Variants in RYR3 observed in about 807,000 individuals in gnomAD.
The protein encoded by RYR3 is brain ryanodine receptor-calcium release channel.
RYR3 carries 207 observed loss-of-function variants against 584.3 expected under a neutral mutation model. That is an observed-to-expected ratio of 0.35 (90% CI 0.32 to 0.40). RYR3 has a LOEUF of 0.40. Among genes scored for constraint, RYR3 ranks in the 10% least tolerant of loss-of-function variants. The pLI is 1.00. For missense variants in RYR3, 5,616 were observed against 6,089.2 expected, an observed-to-expected ratio of 0.92 and a Z score of 2.59; for synonymous variants, 2,416 against 2,248.5, an observed-to-expected ratio of 1.07 and a Z score of -2.11.
intron 9 of RYR3, among the ~76,000 whole-genome samples, chr15:33,548,704 G>A (rs1012590420): frequency 6.6e-6 from 1 of 152,234 alleles, no homozygotes; most frequent in Non-Finnish European, 1.5e-5. Flanking sequence ...TTGTCCCTTG[G>A]TGGAAGGAAC....
chr15:33,601,586 A>G (rs2059662975), intron 17 of RYR3, 34 bp downstream of exon 17: 2 of 1,611,450 alleles, frequency 1.2e-6, no homozygotes, highest in Non-Finnish European at 1.7e-6. Flanking sequence ...AATGCCAAGC[A>G]TAGTTCTGCC....
chr15:33,767,439 CTT>C (rs1428141522), intron 60 of RYR3, among the ~76,000 whole-genome samples: 2 of 152,214 alleles, frequency 1.3e-5, no homozygotes, highest in African/African-American at 2.4e-5. Context: ...GGTCCCAACT[CTT>C]TTCCACTGCA....
chr15:33,644,887 G>A (rs1053427300), intron 28 of RYR3, among the ~76,000 whole-genome samples: 9 of 151,600 alleles, frequency 5.9e-5, no homozygotes, highest in Admixed American at 6.6e-5. Flanking sequence ...TGGCTCACAC[G>A]TGTAATCCCA....
At chr15:33,489,259 G>A (rs1054950073) in intron 2 of RYR3, among the ~76,000 whole-genome samples, 2 of 152,076 alleles carry the variant, frequency 1.3e-5, no homozygotes, top group African/African-American at 4.8e-5. Flanking sequence ...TTGTTACATA[G>A]GTAAACTTGT....
chr15:33,627,583 T>G (rs988621147), intron 20 of RYR3, among the ~76,000 whole-genome samples: 24 of 152,308 alleles, frequency 1.6e-4, no homozygotes, highest in African/African-American at 5.3e-4. Context: ...CAGTGTGGTC[T>G]TTTGGGAGAA....
At chr15:33,634,470 C>A in intron 24 of RYR3, 116 bp from the exon 25 acceptor site, 1 of 929,206 alleles carries the variant, frequency 1.1e-6, no homozygotes, top group Non-Finnish European at 1.7e-6. Context: ...GAGGGAAGGG[C>A]TAATAGACCT....
chr15:33,492,946 C>T (rs906442139), intron 2 of RYR3, among the ~76,000 whole-genome samples: 1 of 152,130 alleles, frequency 6.6e-6, no homozygotes, highest in Admixed American at 6.5e-5. Flanking sequence ...TAGAGAACAG[C>T]CTCTCCATGG....
chr15:33,690,789 G>A lies in RYR3; in HGVS notation c.5861-5429G>A, dbSNP rs140777990. Reference sequence around the variant, plus strand: ...GAGAACCCCAAAAGCTTTAGTTTATGTGGATTATATCTATCAGTGTTTACC... The same window carrying A: ...GAGAACCCCAAAAGCTTTAGTTTATATGGATTATATCTATCAGTGTTTACC... On this transcript the variant is annotated intron_variant, in intron 38 of 103. Coordinates refer to ENST00000634891, the MANE Select transcript of RYR3 (RefSeq NM_001036.6). 1.5e-4 allele frequency among the ~76,000 whole-genome samples: 23 copies of A among 152,202 alleles called. No individual in the cohort carries two copies. In the East Asian group the frequency reaches 3.7e-3, roughly 24 times the overall value.
intron 9 of RYR3, 82 bp downstream of exon 9, chr15:33,548,286 C>T: frequency 1.2e-6 from 1 of 829,860 alleles, no homozygotes; most frequent in Non-Finnish European, 1.9e-6. Context: ...TTCATTCATT[C>T]CACATCATCT....
intron 46 of RYR3, among the ~76,000 whole-genome samples, chr15:33,727,504 TTAAGA>T (rs370731033): frequency 1.3e-5 from 2 of 152,148 alleles, no homozygotes; most frequent in Non-Finnish European, 2.9e-5. Flanking sequence ...CTGAGAAAAC[TTAAGA>T]TAAAGCAAAT....
rs1365063421 is a variant in RYR3 at position 33,748,248 on chromosome 15, C to T, written c.8124C>T (p.Ser2708=). The change falls in exon 54 of 104, where the codon TCC becomes TCT. Residue 2708 remains serine, a synonymous_variant. Coordinates refer to ENST00000634891, the MANE Select transcript of RYR3 (RefSeq NM_001036.6). ...AAAATGAGAAGCTTCGAAGTGTGTC[C>T]CAGGCCAACCAGGTATGACACCACA... ...QRENEKLRSV[S]QANQGNSYSP... 6.2e-7 allele frequency: 1 copy of T among 1,613,700 alleles called. No individual in the cohort carries two copies. Among genetic ancestry groups the T allele is most frequent in the Non-Finnish European group, 8.5e-7 (1 of 1,179,816 alleles).
Position 33,454,858 on chromosome 15 carries a change from A to G in RYR3, c.52-18561A>G, listed in dbSNP as rs573581074. ...GTGAGGGCGGGTAGGAACTAAGGCT[A>G]TAGAGAAGAGGGCAGGAACCAGATG... On this transcript the variant is annotated intron_variant, in intron 1 of 103. Transcript: ENST00000634891. Among the ~76,000 whole-genome samples, 285 of 152,336 alleles carry G rather than the reference A, an allele frequency of 1.9e-3. 1 individual carries two copies. Among genetic ancestry groups the G allele is most frequent in the African/African-American group, 6.6e-3 (273 of 41,588 alleles).
At chr15:33,693,439 C>A (rs546004943) in intron 38 of RYR3, among the ~76,000 whole-genome samples, 1 of 152,360 alleles carries the variant, frequency 6.6e-6, no homozygotes, top group African/African-American at 2.4e-5. Flanking sequence ...GGGGCTACAG[C>A]GGCTGTGCAC....
intron 86 of RYR3, among the ~76,000 whole-genome samples, 162 bp from the exon 87 acceptor site, chr15:33,834,806 A>G (rs2077933663): frequency 6.6e-6 from 1 of 152,262 alleles, no homozygotes; most frequent in Non-Finnish European, 1.5e-5. Flanking sequence ...TATAATCAGG[A>G]AAAGAAAAAA....
chr15:33,814,681 T>C (rs1206103855), intron 74 of RYR3, among the ~76,000 whole-genome samples: 1 of 151,910 alleles, frequency 6.6e-6, no homozygotes, highest in Admixed American at 6.6e-5. Flanking sequence ...GGCAGATCAC[T>C]TAAGGTCAGG....
chr15:33,700,860 G>A lies in RYR3; in HGVS notation c.6380-117G>A, dbSNP rs2066249870. On this transcript the variant is annotated intron_variant, in intron 41 of 103. Transcript: ENST00000634891. Reference sequence around the variant, plus strand: ...GTCCCATTGGAGAACGGTCATGTAAGCCAGGTTTCAGTGTGTTTGCTGCCC... The same window carrying A: ...GTCCCATTGGAGAACGGTCATGTAAACCAGGTTTCAGTGTGTTTGCTGCCC... The A allele has an allele frequency of 6.3e-6, 4 of 637,426 alleles. No homozygotes were observed. The East Asian group carries it at 1.1e-4, about 18-fold the overall frequency. 39.5% of individuals were successfully genotyped at this position (637,426 alleles called of 1,614,324 possible). A position where few individuals can be genotyped will look rare whatever the true frequency, so the allele number is the denominator to read the frequency against.
chr15:33,493,051 G>A (rs2051107643), intron 2 of RYR3, among the ~76,000 whole-genome samples: 1 of 152,130 alleles, frequency 6.6e-6, no homozygotes, highest in Non-Finnish European at 1.5e-5. Flanking sequence ...AAGCTCATTT[G>A]TGTTCTTCCC....
At chr15:33,496,749 G>A (rs563261747) in intron 2 of RYR3, among the ~76,000 whole-genome samples, 13 of 152,128 alleles carry the variant, frequency 8.5e-5, no homozygotes, top group African/African-American at 2.2e-4. Context: ...TGAATAAATC[G>A]TCTTCACCCC....
intron 1 of RYR3, among the ~76,000 whole-genome samples, chr15:33,447,738 A>G (rs2046791612): frequency 6.6e-6 from 1 of 152,210 alleles, no homozygotes; most frequent in Non-Finnish European, 1.5e-5. Flanking sequence ...ATAGCCACAC[A>G]TGACTAGTGG....
Sources: gnomAD v4.1 joint callset for allele counts (sites outside exome capture counted in the v4.1 genomes callset) on GRCh38, gnomAD v4.1.1 for gene constraint, MANE v1.5 for transcripts, NCBI Gene and HGNC (gene_info 2026-07-23, HGNC 2026-07-21) for gene names.